Variants in FSTL4 observed in about 807,000 individuals in gnomAD.
The protein encoded by FSTL4 is follistatin like 4.
Under a neutral mutation model 78.2 loss-of-function variants are expected in FSTL4, and 28 were observed. That is an observed-to-expected ratio of 0.36 (90% CI 0.27 to 0.49). The LOEUF is 0.49. Ranked by LOEUF, FSTL4 falls within the 20% of genes least tolerant of loss-of-function variation. FSTL4 has a pLI of 0.98. For synonymous variants in FSTL4, 422 were observed against 440.5 expected (o/e 0.96, Z 0.53); for missense variants, 922 against 1,084.9 (o/e 0.85, Z 2.11).
chr5:133,787,642 T>C, the FSTL4 span, among the ~76,000 whole-genome samples: 1 of 133,702 alleles, frequency 7.5e-6, no homozygotes, highest in East Asian at 2.2e-4. Flanking sequence ...CTCACTGGAG[T>C]CCAACACTCA....
chr5:133,817,349 C>T, the FSTL4 span, among the ~76,000 whole-genome samples: 15 of 152,266 alleles, frequency 9.9e-5, 1 homozygote, highest in Middle Eastern at 6.8e-3. Flanking sequence ...AGTCACAGTC[C>T]GGTCAAGGAA....
At chr5:133,708,396 T>C in the FSTL4 span, among the ~76,000 whole-genome samples, 1 of 152,146 alleles carries the variant, frequency 6.6e-6, no homozygotes, top group Non-Finnish European at 1.5e-5. Context: ...TTGAGGCTGC[T>C]ATACTAGGGC....
At chr5:133,671,570 G>A in the FSTL4 span, among the ~76,000 whole-genome samples, 23 of 152,158 alleles carry the variant, frequency 1.5e-4, no homozygotes, top group African/African-American at 5.3e-4. Flanking sequence ...GGGTACACTC[G>A]CCAGCAGTTT....
At chr5:133,771,285 A>G in the FSTL4 span, among the ~76,000 whole-genome samples, 1 of 152,072 alleles carries the variant, frequency 6.6e-6, no homozygotes, top group African/African-American at 2.4e-5. Flanking sequence ...TAGGGGTTGC[A>G]TTGAGTCGGT....
intron 14 of FSTL4, chr5:133,208,421 G>A (rs1750593969): frequency 6.6e-6 from 1 of 152,196 alleles, no homozygotes; most frequent in Admixed American, 6.5e-5. Flanking sequence ...GAAGAGATGT[G>A]TCATTTCTCA....
At chr5:133,504,074 G>GC (rs946140857) in intron 3 of FSTL4, among the ~76,000 whole-genome samples, 2 of 152,112 alleles carry the variant, frequency 1.3e-5, no homozygotes, top group African/African-American at 4.8e-5. Flanking sequence ...GGGGGAAACT[G>GC]CCCCCATGAT....
chr5:133,684,426 G>A, the FSTL4 span, among the ~76,000 whole-genome samples: 1 of 152,186 alleles, frequency 6.6e-6, no homozygotes, highest in Non-Finnish European at 1.5e-5. Context: ...CCCAGTACTT[G>A]TTGCTTCTCT....
intron 8 of FSTL4, among the ~76,000 whole-genome samples, chr5:133,226,573 G>A (rs975988778): frequency 8.5e-5 from 13 of 152,238 alleles, no homozygotes; most frequent in Non-Finnish European, 1.6e-4. Context: ...GGGTCCAGGA[G>A]ATAAGTATCA....
At chr5:133,217,550 C>T (rs1343140554) in intron 12 of FSTL4, among the ~76,000 whole-genome samples, 172 bp from the exon 13 acceptor site, 1 of 152,214 alleles carries the variant, frequency 6.6e-6, no homozygotes, top group Non-Finnish European at 1.5e-5. Context: ...TCTCACTTAA[C>T]ATTCCTTTAA....
At chr5:133,486,825 T>C (rs970935598) in intron 3 of FSTL4, among the ~76,000 whole-genome samples, 2 of 152,134 alleles carry the variant, frequency 1.3e-5, no homozygotes, top group East Asian at 1.9e-4. Context: ...AACATACATA[T>C]TGAAGCGCCA....
At chr5:133,751,578 G>T in the FSTL4 span, among the ~76,000 whole-genome samples, 1 of 152,290 alleles carries the variant, frequency 6.6e-6, no homozygotes, top group Middle Eastern at 3.4e-3. Flanking sequence ...GATTGCCATG[G>T]CCAGTCATTA....
At chr5:133,805,251 C>G in the FSTL4 span, among the ~76,000 whole-genome samples, 1 of 152,066 alleles carries the variant, frequency 6.6e-6, no homozygotes, top group Non-Finnish European at 1.5e-5. Context: ...CAATCATGCC[C>G]CTACTCTGCC....
At chr5:133,302,325 C>T (rs1753562381) in intron 6 of FSTL4, among the ~76,000 whole-genome samples, 1 of 152,162 alleles carries the variant, frequency 6.6e-6, no homozygotes, top group Admixed American at 6.5e-5. Context: ...TGACCTTTCT[C>T]TTCCTGCTTA....
At chr5:133,575,294 C>T (rs1331581483) in intron 2 of FSTL4, 2 of 152,172 alleles carry the variant, frequency 1.3e-5, no homozygotes, top group East Asian at 1.9e-4. Context: ...AACACACATT[C>T]GTGAAAAATA....
chr5:133,345,206 T>C (rs1754671125), intron 4 of FSTL4, among the ~76,000 whole-genome samples: 2 of 152,154 alleles, frequency 1.3e-5, no homozygotes, highest in African/African-American at 4.8e-5. Flanking sequence ...AGGTACAAAA[T>C]TGTTTGCCCT....
intron 3 of FSTL4, among the ~76,000 whole-genome samples, chr5:133,479,036 G>A (rs554263378): frequency 3.3e-5 from 5 of 152,222 alleles, no homozygotes; most frequent in Admixed American, 6.5e-5. Flanking sequence ...GTCTACTGCC[G>A]GGGAGAAATT....
the FSTL4 span, among the ~76,000 whole-genome samples, chr5:133,619,168 G>A: frequency 1.3e-5 from 2 of 152,108 alleles, no homozygotes; most frequent in African/African-American, 4.8e-5. Context: ...TACACAGGAA[G>A]AGGTGGTACC....
chr5:133,776,026 T>C, the FSTL4 span, among the ~76,000 whole-genome samples: 30 of 152,302 alleles, frequency 2.0e-4, no homozygotes, highest in African/African-American at 7.2e-4. Flanking sequence ...CAGTAGCTGA[T>C]GAGACTCTGT....
At chr5:133,677,524 G>A in the FSTL4 span, among the ~76,000 whole-genome samples, 4 of 152,354 alleles carry the variant, frequency 2.6e-5, no homozygotes, top group South Asian at 2.1e-4. Context: ...TCCATCCACA[G>A]GAGATACTAA....
Sources: allele counts gnomAD v4.1 joint callset (sites outside exome capture counted in the v4.1 genomes callset), GRCh38; gene constraint gnomAD v4.1.1; transcripts MANE v1.5; gene names NCBI Gene and HGNC (gene_info 2026-07-23, HGNC 2026-07-21).